RGS7: variants seen among roughly 807,000 people sequenced by gnomAD.
The protein encoded by RGS7 is regulator of G protein signaling 7.
In RGS7, 27 loss-of-function variants were observed where a neutral mutation model predicts 81.1. That is an observed-to-expected ratio of 0.33 (90% CI 0.25 to 0.46). RGS7 has a LOEUF of 0.46. Ranked by LOEUF, RGS7 falls within the 20% of genes least tolerant of loss-of-function variation. The probability of loss-of-function intolerance (pLI) is 1.00; values close to 1 mark genes in which losing one functional copy is unlikely to be tolerated. For synonymous variants in RGS7, 208 were observed against 207.7 expected (o/e 1.00, Z -0.01); for missense variants, 396 against 607.4 (o/e 0.65, Z 3.66).
At chr1:241,138,498 G>T (rs1337525705) in intron 2 of RGS7, among the ~76,000 whole-genome samples, 2 of 152,144 alleles carry the variant, frequency 1.3e-5, no homozygotes, top group South Asian at 2.1e-4. Flanking sequence ...CAGCCCTCAG[G>T]GGGAGTCCAC....
chr1:241,015,875 A>G (rs889495113), intron 3 of RGS7, among the ~76,000 whole-genome samples: 2 of 152,206 alleles, frequency 1.3e-5, no homozygotes, highest in East Asian at 3.8e-4. Flanking sequence ...GATCTCCCAC[A>G]TTTTAGTTGC....
chr1:241,160,127 A>AG (rs1309441943), intron 2 of RGS7, among the ~76,000 whole-genome samples: 3 of 145,030 alleles, frequency 2.1e-5, no homozygotes, highest in Non-Finnish European at 3.0e-5. Context: ...AAAAAAAAAA[A>AG]AAAGAAAAAG....
intron 3 of RGS7, among the ~76,000 whole-genome samples, chr1:241,059,543 A>G (rs1013549277): frequency 1.3e-5 from 2 of 152,162 alleles, no homozygotes; most frequent in Non-Finnish European, 2.9e-5. Flanking sequence ...CAGAAGGCCA[A>G]ATTAGACAGC....
rs754287750 is a variant in RGS7, at chr1:241,355,648, T to C, written c.78+51A>G. 6 of 1,539,492 alleles carry C rather than the reference T, an allele frequency of 3.9e-6. No individual in the cohort carries two copies. The African/African-American group carries it at 8.2e-5, about 21-fold the overall frequency. On this transcript the variant is annotated intron_variant, in intron 2 of 18. Coordinates refer to ENST00000440928, the MANE Select transcript of RGS7 (RefSeq NM_001364886.1). ...ACTCTGATCTAGAGGGGGAAAAAAATCGAGAAAGCCGGAAGTTTCCCGTTT... is the reference window on the plus strand; with the variant it reads ...ACTCTGATCTAGAGGGGGAAAAAAACCGAGAAAGCCGGAAGTTTCCCGTTT...
At position 240,934,770 on chromosome 1, in the gene RGS7, C is replaced by T. The variant is rs79881038; in HGVS notation, c.333+1830G>A. Among the ~76,000 whole-genome samples, 870 of 148,230 alleles carry T rather than the reference C, an allele frequency of 5.9e-3. 8 individuals are homozygous for T. The highest frequency in any genetic ancestry group is 0.02 in the African/African-American group (829 of 40,686). ...ACTCTCTGTCTATCCCTAGTAGTTA[C>T]ATAATTCATATGTCATTTGTACCCA... On this transcript the variant is annotated intron_variant, in intron 5 of 18. Transcript: ENST00000440928.
intron 18 of RGS7, among the ~76,000 whole-genome samples, chr1:240,784,441 C>G (rs1684690701): frequency 6.6e-6 from 1 of 151,574 alleles, no homozygotes; most frequent in African/African-American, 2.4e-5. Flanking sequence ...GAGATTGAGA[C>G]CATCCTGGCT....
chr1:241,180,102 C>T (rs1408403497), intron 2 of RGS7, among the ~76,000 whole-genome samples: 1 of 151,912 alleles, frequency 6.6e-6, no homozygotes, highest in Non-Finnish European at 1.5e-5. Flanking sequence ...GGGCCGGGCG[C>T]GGTGGCTCAC....
intron 3 of RGS7, among the ~76,000 whole-genome samples, chr1:240,998,976 G>A (rs1057050406): frequency 6.6e-6 from 1 of 152,072 alleles, no homozygotes; most frequent in African/African-American, 2.4e-5. Flanking sequence ...CTCCATCCCA[G>A]AGGCCGTGCT....
intron 18 of RGS7, among the ~76,000 whole-genome samples, chr1:240,799,992 C>T (rs1687771314): frequency 1.3e-5 from 2 of 152,286 alleles, no homozygotes; most frequent in African/African-American, 2.4e-5. Flanking sequence ...CCATCTTCCC[C>T]AGGTTACATC....
At position 240,868,466 on chromosome 1, in the gene RGS7, A is replaced by C; in HGVS notation, c.609+121T>G. On this transcript the variant is annotated intron_variant, in intron 9 of 18. Transcript: ENST00000440928. The surrounding 1 kb of genome is among the most constrained non-coding windows in gnomAD (Gnocchi z 5.1). ...GTGGTGATCTTTTCTTAATGAATTC[A>C]CCAAGATACCATGGAGCGTGCATGG... 1.2e-6 allele frequency: 1 copy of C among 823,580 alleles called. No homozygotes were observed. The highest frequency in any genetic ancestry group is 2.5e-5 in the East Asian group (1 of 40,746). The allele number at this position is 823,580 out of a possible 1,614,324, so 51.0% of individuals were successfully genotyped here.
At chr1:241,347,112 T>C (rs1219625132) in intron 2 of RGS7, among the ~76,000 whole-genome samples, 2 of 152,184 alleles carry the variant, frequency 1.3e-5, no homozygotes, top group East Asian at 1.9e-4. Flanking sequence ...GAGAGCTTTG[T>C]GTGGACAATG....
At chr1:240,808,075 G>A (rs16840712) in intron 14 of RGS7, among the ~76,000 whole-genome samples, 3,892 of 148,474 alleles carry the variant, frequency 0.026, 173 homozygotes, top group African/African-American at 0.091. Context: ...CGCATAATCC[G>A]AGGGAGCAGA....
At chr1:240,801,543 A>G in intron 16 of RGS7, 35 bp from the exon 17 acceptor site, 1 of 1,396,356 alleles carries the variant, frequency 7.2e-7, no homozygotes, top group Non-Finnish European at 1.0e-6. Context: ...ATGAAGGGAA[A>G]TAAGGGAAGA....
intron 2 of RGS7, among the ~76,000 whole-genome samples, chr1:241,142,375 A>C (rs752293952): frequency 2.0e-5 from 3 of 152,170 alleles, no homozygotes; most frequent in Non-Finnish European, 4.4e-5. Flanking sequence ...CTTCTCCATG[A>C]AAGCCCTGCC....
chr1:240,915,890 T>G (rs1672518183), intron 6 of RGS7, among the ~76,000 whole-genome samples: 1 of 151,782 alleles, frequency 6.6e-6, no homozygotes, highest in Non-Finnish European at 1.5e-5. Flanking sequence ...TGGACATGAT[T>G]GAGGAAAGAA....
intron 3 of RGS7, among the ~76,000 whole-genome samples, chr1:241,078,301 C>CTGTGTGTGTGTGTGTG (rs71568986): frequency 6.9e-5 from 9 of 130,270 alleles, no homozygotes; most frequent in Non-Finnish European, 9.7e-5. Context: ...CTTCTGGTCT[C>CTGTGTGTGTGTGTGTG]TGTGTGTGTG....
At chr1:240,968,307 T>A (rs555015193) in intron 4 of RGS7, among the ~76,000 whole-genome samples, 1 of 152,332 alleles carries the variant, frequency 6.6e-6, no homozygotes, top group African/African-American at 2.4e-5. Context: ...ATGCTACTGA[T>A]GCCTGGCAGA....
chr1:241,098,438 G>C (rs1363388261), intron 3 of RGS7, among the ~76,000 whole-genome samples: 1 of 151,930 alleles, frequency 6.6e-6, no homozygotes, highest in African/African-American at 2.4e-5. Context: ...CTTCGCATTT[G>C]TTCATTCGGT....
intron 9 of RGS7, among the ~76,000 whole-genome samples, chr1:240,861,262 G>C (rs1480979797): frequency 6.6e-6 from 1 of 152,078 alleles, no homozygotes; most frequent in Non-Finnish European, 1.5e-5. Context: ...TTTCTATATT[G>C]AACATTCTGA....
Sources: gnomAD v4.1 joint callset for allele counts (sites outside exome capture counted in the v4.1 genomes callset) on GRCh38, gnomAD v4.1.1 for gene constraint, Gnocchi (gnomAD v3.1) non-coding constraint, MANE v1.5 for transcripts, NCBI Gene and HGNC (gene_info 2026-07-23, HGNC 2026-07-21) for gene names.